The following TUT4 variants were observed in gnomAD, a reference collection of about 807,000 sequenced individuals.
TUT4 encodes terminal uridylyl transferase 4, also known as terminal uridylyltransferase 4.
A neutral mutation model predicts 192.2 loss-of-function variants in TUT4; 36 were observed. The ratio of observed to expected loss-of-function variants is 0.19; its 90% confidence interval spans 0.14 to 0.25. The LOEUF (loss-of-function observed/expected upper bound fraction) is 0.25, where lower values mean the gene tolerates loss of function less well. Ranked by LOEUF, TUT4 falls within the 10% of genes least tolerant of loss-of-function variation. TUT4 has a pLI of 1.00. For synonymous variants in TUT4, 618 were observed against 666.0 expected (o/e 0.93, Z 1.11); for missense variants, 1,493 against 1,957.2 (o/e 0.76, Z 4.47).
intron 6 of TUT4, 122 bp from the exon 7 acceptor site, chr1:52,493,784 T>C (rs879152650): frequency 2.9e-6 from 2 of 692,906 alleles, no homozygotes; most frequent in South Asian, 3.3e-5. Flanking sequence ...GTGTTTTAAA[T>C]AGTGAAAACA....
intron 1 of TUT4, among the ~76,000 whole-genome samples, chr1:52,527,522 A>G (rs1682127240): frequency 6.6e-6 from 1 of 152,228 alleles, no homozygotes; most frequent in African/African-American, 2.4e-5. Flanking sequence ...ACTGCACTCC[A>G]GCCTGGGCCA....
At chr1:52,540,747 T>C (rs990648070) in intron 1 of TUT4, among the ~76,000 whole-genome samples, 2 of 152,192 alleles carry the variant, frequency 1.3e-5, no homozygotes, top group African/African-American at 4.8e-5. Context: ...GTTTATGTAC[T>C]AGAGTATGTC....
At chr1:52,553,319 G>A (rs1453028465), upstream of TUT4, 7 of 145,028 alleles carry the variant, frequency 4.8e-5, no homozygotes, top group Non-Finnish European at 9.1e-5. Context: ...GGCCCCACAG[G>A]CACCGTTTAC....
intron 12 of TUT4, among the ~76,000 whole-genome samples, chr1:52,476,076 C>T (rs1216717741): frequency 6.6e-6 from 1 of 152,048 alleles, no homozygotes; most frequent in Non-Finnish European, 1.5e-5. Flanking sequence ...AACTTCTGAC[C>T]TCAGGTGATC....
intron 13 of TUT4, 118 bp from the exon 14 acceptor site, chr1:52,472,220 G>C: frequency 2.0e-6 from 2 of 1,019,590 alleles, no homozygotes; most frequent in South Asian, 3.8e-5. Flanking sequence ...GTGCTTTCAG[G>C]AGGTAATTAA....
rs1671738486 is a variant in TUT4, at chr1:52,493,626, T to C, written c.1303A>G (p.Ile435Val). Reference protein sequence around the residue: ...HPDLLIKVLGILKKNVLYVDV... With the variant: ...HPDLLIKVLGVLKKNVLYVDV... ...AGAAACTCACCATTTTTCTTTAAAA[T>C]CCCAAGTACTTTTATCAGAAGATCT... The change falls in exon 7 of 30, where the codon ATT becomes GTT. Residue 435 changes from isoleucine to valine, a missense_variant. By Grantham distance (29) the Ile-to-Val change is conservative. Coordinates refer to ENST00000257177, the MANE Select transcript of TUT4 (RefSeq NM_001009881.3). 6.7e-7 allele frequency: 1 copy of C among 1,490,934 alleles called. No individual in the cohort carries two copies. The allele number at this position is 1,490,934 out of a possible 1,614,324, so 92.4% of individuals were successfully genotyped here. A position where few individuals can be genotyped will look rare whatever the true frequency, so the allele number is the denominator to read the frequency against.
At chr1:52,462,843 A>G in intron 16 of TUT4, 1 of 984,680 alleles carries the variant, frequency 1.0e-6, no homozygotes, top group Non-Finnish European at 1.2e-6. Context: ...CATAATACAT[A>G]ATGATTATGG....
intron 1 of TUT4, among the ~76,000 whole-genome samples, chr1:52,544,083 T>C (rs1193184071): frequency 6.6e-6 from 1 of 151,490 alleles, no homozygotes; most frequent in Non-Finnish European, 1.5e-5. Context: ...GGTCAGGAGA[T>C]GAGACCATCC....
chr1:52,516,967 C>A (rs577665233), intron 2 of TUT4, among the ~76,000 whole-genome samples: 1 of 152,300 alleles, frequency 6.6e-6, no homozygotes, highest in South Asian at 2.1e-4. Flanking sequence ...ACCTGTAACT[C>A]CAACCTCAGA....
chr1:52,460,725 C>T (rs1417461226), intron 19 of TUT4, among the ~76,000 whole-genome samples: 1 of 152,174 alleles, frequency 6.6e-6, no homozygotes, highest in Non-Finnish European at 1.5e-5. Context: ...AATTCAATGT[C>T]ATAACAAGTG....
At chr1:52,507,802 G>A (rs541245354) in intron 4 of TUT4, among the ~76,000 whole-genome samples, 1 of 152,134 alleles carries the variant, frequency 6.6e-6, no homozygotes, top group South Asian at 2.1e-4. Context: ...AATGTGTATA[G>A]GTATAGTTTT....
At chr1:52,457,565 T>A (rs1661337055) in intron 20 of TUT4, among the ~76,000 whole-genome samples, 1 of 152,180 alleles carries the variant, frequency 6.6e-6, no homozygotes, top group African/African-American at 2.4e-5. Context: ...GCCATAACTA[T>A]CAAAGATTAT....
chr1:52,510,173 A>G (rs574125424), intron 3 of TUT4, among the ~76,000 whole-genome samples: 1 of 151,972 alleles, frequency 6.6e-6, no homozygotes, highest in Non-Finnish European at 1.5e-5. Flanking sequence ...TTAGCCGTGC[A>G]TGGTGGCGCA....
At chr1:52,516,080 TATC>T (rs747434357) in intron 2 of TUT4, 26 bp from the exon 3 acceptor site, 11 of 1,597,288 alleles carry the variant, frequency 6.9e-6, no homozygotes, top group South Asian at 3.4e-5. Flanking sequence ...ATCACTCAGT[TATC>T]ATCAGAACTG....
chr1:52,433,053 G>A (rs558461823), intron 27 of TUT4: 1 of 152,464 alleles, frequency 6.6e-6, no homozygotes, highest in Admixed American at 6.5e-5. Flanking sequence ...CAGGGATAGA[G>A]GGAAGCAAAT....
intron 9 of TUT4, among the ~76,000 whole-genome samples, chr1:52,483,136 T>C (rs1668928562): frequency 6.6e-6 from 1 of 152,174 alleles, no homozygotes; most frequent in South Asian, 2.1e-4. Context: ...ATGGGATGGG[T>C]GAAATGTAGT....
At chr1:52,444,997 A>T (rs1657066768) in intron 24 of TUT4, among the ~76,000 whole-genome samples, 1 of 149,682 alleles carries the variant, frequency 6.7e-6, no homozygotes, top group Non-Finnish European at 1.5e-5. Flanking sequence ...ATATGTATAT[A>T]CATGTATGTG....
Position 52,445,796 on chromosome 1 carries a change from G to A in TUT4, c.3813C>T (p.Gly1271=). 1 of 1,607,644 alleles carries A rather than the reference G, an allele frequency of 6.2e-7. No homozygotes were observed. The highest frequency in any genetic ancestry group is 1.1e-5 in the South Asian group (1 of 89,974). Reference sequence around the variant, plus strand: ...TATAATGTAAACTTACAGCTTCTCTGCCAATGAGTGGATAAAAAGGGGTAC... The same window carrying A: ...TATAATGTAAACTTACAGCTTCTCTACCAATGAGTGGATAAAAAGGGGTAC... The part of the protein sequence containing the change: ...LFGTPFYPLI[G]REAEYFFDSR... Residue 1271 remains glycine (G), a synonymous_variant, in exon 24 of 30, where the codon GGC becomes GGT. Coordinates refer to ENST00000257177, the MANE Select transcript of TUT4 (RefSeq NM_001009881.3).
intron 20 of TUT4, among the ~76,000 whole-genome samples, chr1:52,454,670 A>G (rs1660368696): frequency 6.6e-6 from 1 of 152,230 alleles, no homozygotes; most frequent in Non-Finnish European, 1.5e-5. Context: ...ATATCTTTTT[A>G]GACACAACAC....
Sources: allele counts gnomAD v4.1 joint callset (sites outside exome capture counted in the v4.1 genomes callset), GRCh38; gene constraint gnomAD v4.1.1; transcripts MANE v1.5; gene names NCBI Gene and HGNC (gene_info 2026-07-23, HGNC 2026-07-21).